The following LRRC4C variants were observed in gnomAD, a reference collection of about 807,000 sequenced individuals.
LRRC4C encodes leucine rich repeat containing 4C.
In LRRC4C, 5 loss-of-function variants were observed where a neutral mutation model predicts 33.6. The ratio of observed to expected loss-of-function variants is 0.15; its 90% CI spans 0.08 to 0.31. LRRC4C has a LOEUF of 0.31. Among genes scored for constraint, LRRC4C ranks in the 10% least tolerant of loss-of-function variants. The probability of loss-of-function intolerance (pLI) is 1.00; values close to 1 mark genes in which losing one functional copy is unlikely to be tolerated. For synonymous variants in LRRC4C, 329 were observed against 302.0 expected, an observed-to-expected ratio of 1.09 and a Z score of -0.93; for missense variants, 560 against 796.7, an observed-to-expected ratio of 0.70 and a Z score of 3.58.
chr11:40,294,691 AT>A (rs1590932897), intron 4 of LRRC4C, among the ~76,000 whole-genome samples: 1 of 150,364 alleles, frequency 6.7e-6, no homozygotes, highest in East Asian at 2.0e-4. Flanking sequence ...GCCGGGAGCG[AT>A]GGCGCGCGTC....
intron 1 of LRRC4C, among the ~76,000 whole-genome samples, chr11:41,192,723 A>C (rs552805232): frequency 6.6e-6 from 1 of 152,218 alleles, no homozygotes; most frequent in East Asian, 1.9e-4. Context: ...GAATCGAGAA[A>C]AAGCAAAATC....
At chr11:40,426,796 A>C (rs1950732911) in intron 3 of LRRC4C, among the ~76,000 whole-genome samples, 1 of 152,224 alleles carries the variant, frequency 6.6e-6, no homozygotes. Context: ...TGAACAAGAC[A>C]CATATAAGGA....
chr11:40,312,412 C>T (rs780734623), intron 4 of LRRC4C, among the ~76,000 whole-genome samples: 1 of 152,140 alleles, frequency 6.6e-6, no homozygotes, highest in Non-Finnish European at 1.5e-5. Context: ...GAAAACAGTG[C>T]TGTGAGATAA....
chr11:40,484,778 G>C (rs529950115), intron 3 of LRRC4C, among the ~76,000 whole-genome samples: 11 of 151,966 alleles, frequency 7.2e-5, no homozygotes, highest in African/African-American at 2.7e-4. Flanking sequence ...TTCTGTGTAA[G>C]TCATATGCAG....
intron 1 of LRRC4C, among the ~76,000 whole-genome samples, chr11:41,162,913 T>C (rs895706245): frequency 2.0e-5 from 3 of 152,176 alleles, no homozygotes; most frequent in Non-Finnish European, 4.4e-5. Flanking sequence ...GTGATATGGT[T>C]TGGCACTGTT....
intron 6 of LRRC4C, among the ~76,000 whole-genome samples, chr11:40,126,352 A>G (rs1856223847): frequency 1.3e-5 from 2 of 152,116 alleles, no homozygotes; most frequent in African/African-American, 4.8e-5. Flanking sequence ...ACATTACCAT[A>G]TCATTAGGTG....
rs61888684 is a variant in LRRC4C, at chr11:40,403,872, T to C, written c.-269-84151A>G. Among the ~76,000 whole-genome samples the C allele has an allele frequency of 6.2e-3, 937 of 152,234 alleles. 4 individuals carry two copies. The highest frequency in any genetic ancestry group is 0.017 in the Middle Eastern group (5 of 294). The stretch of plus-strand genomic sequence containing the variant: ...TAAACAGATTTGACTCCTAGAAAGA[T>C]GTGACACACTTCCACTGTCCAAAAT... On this transcript the variant is annotated intron_variant, in intron 3 of 6. Coordinates refer to ENST00000528697, the MANE Select transcript of LRRC4C (RefSeq NM_001258419.2).
intron 2 of LRRC4C, among the ~76,000 whole-genome samples, chr11:40,758,232 C>T (rs1949038484): frequency 6.6e-6 from 1 of 151,980 alleles, no homozygotes; most frequent in Non-Finnish European, 1.5e-5. Flanking sequence ...GAGCTATGTT[C>T]TATTGAGTAA....
chr11:41,458,113 T>C (rs1286827526), intron 1 of LRRC4C, among the ~76,000 whole-genome samples: 5 of 152,178 alleles, frequency 3.3e-5, no homozygotes, highest in Admixed American at 2.0e-4. Context: ...AAATCTATTA[T>C]GTTACAATTT....
rs570950810 is a variant in LRRC4C at position 40,930,271 on chromosome 11, GGA to G, written c.-407+3362_-407+3363del. 4.7e-3 allele frequency among the ~76,000 whole-genome samples: 712 copies of G among 152,244 alleles called. 7 individuals are homozygous for G. Among genetic ancestry groups the G allele is most frequent in the African/African-American group, 0.016 (669 of 41,530 alleles). On this transcript the variant is annotated intron_variant, in intron 2 of 6. Transcript: ENST00000528697. ...CTGAGATGAACACACAAAGAAACCT[GGA>G]GAGTAGAGACGCTGATTTCACTTTT...
At chr11:40,795,228 C>A (rs1337986570) in intron 2 of LRRC4C, among the ~76,000 whole-genome samples, 1 of 152,056 alleles carries the variant, frequency 6.6e-6, no homozygotes, top group Non-Finnish European at 1.5e-5. Flanking sequence ...ATATATGCTA[C>A]CATTAGAAGG....
At chr11:40,494,114 C>T (rs184097250) in intron 3 of LRRC4C, among the ~76,000 whole-genome samples, 46 of 152,138 alleles carry the variant, frequency 3.0e-4, no homozygotes, top group African/African-American at 1.0e-3. Context: ...TTGCTACCAT[C>T]GTGGGGTTCC....
chr11:41,371,244 A>C (rs894432754), intron 1 of LRRC4C, among the ~76,000 whole-genome samples: 2 of 152,186 alleles, frequency 1.3e-5, no homozygotes, highest in Non-Finnish European at 2.9e-5. Flanking sequence ...AATTTATTAC[A>C]TTTGATTCAG....
At chr11:41,082,986 T>C (rs1187710438) in intron 1 of LRRC4C, among the ~76,000 whole-genome samples, 1 of 152,080 alleles carries the variant, frequency 6.6e-6, no homozygotes, top group Non-Finnish European at 1.5e-5. Context: ...TAATATGAAA[T>C]GTCCACGCTT....
chr11:40,604,846 TAA>T (rs1960401480), intron 3 of LRRC4C, among the ~76,000 whole-genome samples: 1 of 151,692 alleles, frequency 6.6e-6, no homozygotes, highest in Non-Finnish European at 1.5e-5. Context: ...AGAATAAAAA[TAA>T]AGACAAGCAG....
At chr11:40,647,711 T>C (rs1209299352) in intron 3 of LRRC4C, among the ~76,000 whole-genome samples, 1 of 152,236 alleles carries the variant, frequency 6.6e-6, no homozygotes, top group Non-Finnish European at 1.5e-5. Flanking sequence ...TCCATATTAA[T>C]GATTGAACCA....
chr11:40,535,151 T>G (rs1956419952), intron 3 of LRRC4C, among the ~76,000 whole-genome samples: 1 of 152,208 alleles, frequency 6.6e-6, no homozygotes, highest in Non-Finnish European at 1.5e-5. Flanking sequence ...TATAGTCATC[T>G]TCCTTGGAGG....
At chr11:40,956,299 T>C (rs1958951533) in intron 1 of LRRC4C, among the ~76,000 whole-genome samples, 1 of 151,838 alleles carries the variant, frequency 6.6e-6, no homozygotes, top group African/African-American at 2.4e-5. Flanking sequence ...CAGAGTCTTT[T>C]AAAAAGGAAT....
At chr11:41,091,603 A>T (rs1940421332) in intron 1 of LRRC4C, among the ~76,000 whole-genome samples, 1 of 152,128 alleles carries the variant, frequency 6.6e-6, no homozygotes, top group African/African-American at 2.4e-5. Flanking sequence ...CAATAAATAA[A>T]AAAGTATACC....
Sources: allele counts gnomAD v4.1 joint callset (sites outside exome capture counted in the v4.1 genomes callset), GRCh38; gene constraint gnomAD v4.1.1; transcripts MANE v1.5; gene names NCBI Gene and HGNC (gene_info 2026-07-23, HGNC 2026-07-21).